The following SV2B variants were observed in gnomAD, a reference collection of about 807,000 sequenced individuals.
SV2B encodes the protein solute carrier family 22 member B2.
Under a neutral mutation model 73.9 loss-of-function variants are expected in SV2B, and 41 were observed. The ratio of observed to expected loss-of-function variants is 0.56; its 90% CI spans 0.43 to 0.72. The LOEUF (loss-of-function observed/expected upper bound fraction) is 0.72, where lower values mean the gene tolerates loss of function less well. Among genes scored for constraint, SV2B ranks in the 30% least tolerant of loss-of-function variants. The pLI, the probability that SV2B is intolerant of heterozygous loss-of-function variation, is 0.00. For missense variants in SV2B, 764 were observed against 857.8 expected, an observed-to-expected ratio of 0.89 and a Z score of 1.37; for synonymous variants, 314 against 314.2, an observed-to-expected ratio of 1.00 and a Z score of 0.01.
rs1193744132 is a variant in SV2B at position 91,299,212 on chromosome 15, T to C, written c.*6660T>C. On this transcript the variant is annotated 3_prime_UTR_variant, in exon 13 of 13. Transcript: ENST00000394232. Reference sequence around the variant, plus strand: ...TCCAGAAAAATTAGATATTGGACTCTATCACAAAGGAATTGCATAAAAATA... The same window carrying C: ...TCCAGAAAAATTAGATATTGGACTCCATCACAAAGGAATTGCATAAAAATA... 1 of 152,180 alleles carries C rather than the reference T, an allele frequency of 6.6e-6. No individual in the cohort carries two copies. The highest frequency in any genetic ancestry group is 2.4e-5 in the African/African-American group (1 of 41,440). 9.4% of individuals were successfully genotyped at this position (152,180 alleles called of 1,614,324 possible). A position where few individuals can be genotyped will look rare whatever the true frequency, so the allele number is the denominator to read the frequency against.
intron 1 of SV2B, among the ~76,000 whole-genome samples, chr15:91,193,889 C>A (rs2045141465): frequency 6.6e-6 from 1 of 152,112 alleles, no homozygotes. Flanking sequence ...TATGCCAAAT[C>A]TAAGTTGTAA....
chr15:91,121,962 G>T lies in SV2B; in HGVS notation c.-392+21599G>T, dbSNP rs544177158. On this transcript the variant is annotated intron_variant, in intron 1 of 12. Coordinates refer to ENST00000394232, the MANE Select transcript of SV2B (RefSeq NM_001323032.3). This position sits in a 1 kb window ranked among gnomAD's most constrained non-coding sequence, Gnocchi z 4.4. ...GCTAATTTTTTGTATTTTTAGTAGA[G>T]ACGGGGTTTCACCATGTTAGCCAGG... Among the ~76,000 whole-genome samples, 1 of 152,158 alleles carries T rather than the reference G, an allele frequency of 6.6e-6. No individual in the cohort carries two copies. The highest frequency in any genetic ancestry group is 1.9e-4 in the East Asian group (1 of 5,174).
chr15:91,185,523 G>A lies in SV2B; in HGVS notation c.-391-40350G>A, dbSNP rs1041548907. Among the ~76,000 whole-genome samples, 7 of 152,166 alleles carry A rather than the reference G, an allele frequency of 4.6e-5. 1 individual carries two copies. In the East Asian group the frequency reaches 1.2e-3, roughly 25 times the overall value. The stretch of plus-strand genomic sequence containing the variant: ...TCCAGAACTCATAGCTATATTAGAA[G>A]ATTGTATGTTTTCTTCATTAAAGCA... On this transcript the variant is annotated intron_variant, in intron 1 of 12. Coordinates refer to ENST00000394232, the MANE Select transcript of SV2B (RefSeq NM_001323032.3).
chr15:91,251,301 AT>A (rs1168347930), intron 2 of SV2B, among the ~76,000 whole-genome samples: 1 of 152,214 alleles, frequency 6.6e-6, no homozygotes, highest in East Asian at 1.9e-4. Flanking sequence ...AATATACTAC[AT>A]TTCCTTAAGG....
intron 2 of SV2B, among the ~76,000 whole-genome samples, chr15:91,230,545 A>G (rs1209214557): frequency 6.6e-6 from 1 of 152,148 alleles, no homozygotes; most frequent in East Asian, 1.9e-4. Flanking sequence ...GTTTTATTGG[A>G]TCTTCATCTA....
At chr15:91,190,256 A>G (rs949374756) in intron 1 of SV2B, among the ~76,000 whole-genome samples, 5 of 151,984 alleles carry the variant, frequency 3.3e-5, no homozygotes, top group Non-Finnish European at 7.4e-5. Context: ...GGATTATTAC[A>G]TCTATATGAA....
Position 91,268,672 on chromosome 15 carries a change from A to G in SV2B, c.1373+67A>G. 1 of 1,548,106 alleles carries G rather than the reference A, an allele frequency of 6.5e-7. No homozygotes were observed. Among genetic ancestry groups the G allele is most frequent in the East Asian group, 2.3e-5 (1 of 43,676 alleles). Reference sequence around the variant, plus strand: ...GTCGTGGGGACTGTTATTGGGAGGGAGCCGGAGGGAAGATAAGAATCAAAT... The same window carrying G: ...GTCGTGGGGACTGTTATTGGGAGGGGGCCGGAGGGAAGATAAGAATCAAAT... On this transcript the variant is annotated intron_variant, in intron 9 of 12. Coordinates refer to ENST00000394232, the MANE Select transcript of SV2B (RefSeq NM_001323032.3). This position sits in a 1 kb window ranked among gnomAD's most constrained non-coding sequence, Gnocchi z 4.4.
chr15:91,252,524 A>G lies in SV2B; in HGVS notation c.784+4A>G. On this transcript the variant is annotated splice_donor_region_variant and intron_variant, in intron 4 of 12. Coordinates refer to ENST00000394232, the MANE Select transcript of SV2B (RefSeq NM_001323032.3). The surrounding 1 kb of genome is among the most constrained non-coding windows in gnomAD (Gnocchi z 4.6). Reference sequence around the variant, plus strand: ...TGGAGCATCATCCCACACTATGGTGAGTCATGGCTCCAAACAGCCTAGGGG... The same window carrying G: ...TGGAGCATCATCCCACACTATGGTGGGTCATGGCTCCAAACAGCCTAGGGG... 1.2e-6 allele frequency: 2 copies of G among 1,600,626 alleles called. No homozygotes were observed. The highest frequency in any genetic ancestry group is 1.7e-6 in the Non-Finnish European group (2 of 1,173,088).
At chr15:91,151,222 C>T (rs2043305130) in intron 1 of SV2B, among the ~76,000 whole-genome samples, 1 of 152,174 alleles carries the variant, frequency 6.6e-6, no homozygotes, top group African/African-American at 2.4e-5. Flanking sequence ...AAAACAAAAG[C>T]ACAACCATCT....
At chr15:91,203,942 CCTT>C (rs1165329443) in intron 1 of SV2B, among the ~76,000 whole-genome samples, 2 of 152,172 alleles carry the variant, frequency 1.3e-5, no homozygotes, top group African/African-American at 4.8e-5. Context: ...AAATAGGAAA[CCTT>C]CTTGCCTAGG....
chr15:91,170,574 A>G (rs2044088951), intron 1 of SV2B, among the ~76,000 whole-genome samples: 1 of 152,250 alleles, frequency 6.6e-6, no homozygotes, highest in South Asian at 2.1e-4. Flanking sequence ...GGCATGAGCC[A>G]CTGTGCCCAG....
intron 9 of SV2B, among the ~76,000 whole-genome samples, chr15:91,276,439 G>A (rs756505296): frequency 6.6e-6 from 1 of 151,760 alleles, no homozygotes; most frequent in Non-Finnish European, 1.5e-5. Context: ...AATTCCAATT[G>A]CACCTATGTT....
intron 2 of SV2B, among the ~76,000 whole-genome samples, chr15:91,246,996 A>T (rs186819641): frequency 1.8e-4 from 27 of 152,340 alleles, no homozygotes; most frequent in African/African-American, 6.5e-4. Flanking sequence ...CTAAAGACAG[A>T]TTTTAAATGA....
intron 1 of SV2B, among the ~76,000 whole-genome samples, chr15:91,145,860 T>A (rs1001742093): frequency 2.0e-5 from 3 of 152,214 alleles, no homozygotes; most frequent in Non-Finnish European, 4.4e-5. Flanking sequence ...AAATTTAAGT[T>A]CCTTATAGAT....
At chr15:91,259,109 TATAA>T (rs60315590) in intron 5 of SV2B, among the ~76,000 whole-genome samples, 7 of 150,590 alleles carry the variant, frequency 4.6e-5, no homozygotes, top group African/African-American at 9.9e-5. Flanking sequence ...AAAATAAAAA[TATAA>T]ATAAATAAAT....
intron 1 of SV2B, among the ~76,000 whole-genome samples, chr15:91,206,179 AG>A (rs2045630754): frequency 6.7e-6 from 1 of 148,474 alleles, no homozygotes; most frequent in South Asian, 2.1e-4. Context: ...CTGGGACTAC[AG>A]GCACATGCCA....
chr15:91,291,055 TATG>T (rs1337863872), intron 12 of SV2B, among the ~76,000 whole-genome samples: 3 of 148,480 alleles, frequency 2.0e-5, no homozygotes, highest in East Asian at 3.9e-4. Context: ...TATATATAAT[TATG>T]ATAATACATA....
rs1407160855 is a variant in SV2B at position 91,268,527 on chromosome 15, G to A, written c.1295G>A (p.Gly432Asp). 2 of 1,613,782 alleles carry A rather than the reference G, an allele frequency of 1.2e-6. No individual in the cohort carries two copies. Among genetic ancestry groups the A allele is most frequent in the Non-Finnish European group, 1.7e-6 (2 of 1,179,922 alleles). The change falls in exon 9 of 13, where the codon GGT becomes GAT. Residue 432 changes from glycine (G) to aspartate (D), a missense_variant. Transcript: ENST00000394232. This position sits in a 1 kb window ranked among gnomAD's most constrained non-coding sequence, Gnocchi z 4.4. ...AAGTCTAAAATGAAGGTGTTTTTTGGTGAGCATGTGTACGGCGCCACAATC... is the reference window on the plus strand; with the variant it reads ...AAGTCTAAAATGAAGGTGTTTTTTGATGAGCATGTGTACGGCGCCACAATC... The part of the protein sequence containing the change: ...EYKSKMKVFF[G>D]EHVYGATINF...
chr15:91,237,988 G>A (rs1239268542), intron 2 of SV2B, among the ~76,000 whole-genome samples: 3 of 152,120 alleles, frequency 2.0e-5, no homozygotes, highest in African/African-American at 7.2e-5. Context: ...GAGACCTTAA[G>A]GCATGAGTGC....
Sources: allele counts gnomAD v4.1 joint callset (sites outside exome capture counted in the v4.1 genomes callset), GRCh38; gene constraint gnomAD v4.1.1; non-coding constraint Gnocchi (gnomAD v3.1); transcripts MANE v1.5; gene names NCBI Gene and HGNC (gene_info 2026-07-23, HGNC 2026-07-21).